Variants in NECTIN2 observed in about 807,000 individuals in gnomAD.
NECTIN2 encodes the protein nectin cell adhesion molecule 2.
NECTIN2 carries 23 observed loss-of-function variants against 56.9 expected under a neutral mutation model. The observed-to-expected ratio is 0.40, with a 90% CI of 0.29 to 0.57. The LOEUF (loss-of-function observed/expected upper bound fraction) is 0.57. NECTIN2 is among the 20% of genes least tolerant of loss of function. The pLI, the probability that NECTIN2 is intolerant of heterozygous loss-of-function variation, is 0.38. For missense variants in NECTIN2, 587 were observed against 718.3 expected (o/e 0.82, Z 2.09); for synonymous variants, 302 against 313.8 (o/e 0.96, Z 0.40).
chr19:44,874,256 G>GT lies in NECTIN2; in HGVS notation c.894-73dup. ...CCCTGGAGCTTGGCTCCTGGTGGGTGTATCTTTAGGGATGAGGCCTGTGCT... is the reference window on the plus strand; with the variant it reads ...CCCTGGAGCTTGGCTCCTGGTGGGTGTTATCTTTAGGGATGAGGCCTGTGCT... On this transcript the variant is annotated intron_variant, in intron 4 of 8. Coordinates refer to ENST00000252483, the MANE Select transcript of NECTIN2 (RefSeq NM_001042724.2). The surrounding 1 kb of genome is among the most constrained non-coding windows in gnomAD (Gnocchi z 6.3). The GT allele has an allele frequency of 6.5e-7, 1 of 1,538,158 alleles. No homozygotes were observed. Among genetic ancestry groups the GT allele is most frequent in the South Asian group, 1.1e-5 (1 of 88,808 alleles).
intron 2 of NECTIN2, among the ~76,000 whole-genome samples, chr19:44,870,940 C>T (rs1434905592): frequency 1.3e-5 from 2 of 152,042 alleles, no homozygotes; most frequent in Non-Finnish European, 2.9e-5. Flanking sequence ...ACGTTGGCCA[C>T]GCTAGTCTAG....
At chr19:44,878,077 A>C in intron 5 of NECTIN2, 1 of 483,392 alleles carries the variant, frequency 2.1e-6, no homozygotes, top group Non-Finnish European at 3.6e-6. Flanking sequence ...TCTTCTGCCC[A>C]GAGTCACCCC....
intron 1 of NECTIN2, among the ~76,000 whole-genome samples, chr19:44,863,848 A>AAC (rs1969062194): frequency 6.6e-6 from 1 of 151,648 alleles, no homozygotes; most frequent in Non-Finnish European, 1.5e-5. Context: ...TCTCAAAAAA[A>AAC]AAAAAGAAAC....
Position 44,882,234 on chromosome 19 carries a change from G to A in NECTIN2, c.1066G>A (p.Gly356Arg). 1 of 1,523,416 alleles carries A rather than the reference G, an allele frequency of 6.6e-7. No homozygotes were observed. The highest frequency in any genetic ancestry group is 1.2e-5 in the South Asian group (1 of 80,384). 94.4% of individuals were successfully genotyped at this position (1,523,416 alleles called of 1,614,324 possible). A position where few individuals can be genotyped will look rare whatever the true frequency, so the allele number is the denominator to read the frequency against. ...VRETPNTAGA[G>R]ATGGIIGGII... ...AGAGACCCCCAACACAGCAGGCGCA[G>A]GGGCCACAGGCGGCATCATCGGGGG... The change falls in exon 6 of 9, where the codon GGG becomes AGG. Residue 356 changes from glycine (G) to arginine (R), a missense_variant. Physicochemically the swap from Gly to Arg is moderately radical, Grantham distance 125 (BLOSUM62 -2). Transcript: ENST00000252483.
At chr19:44,862,042 G>A (rs1969036890) in intron 1 of NECTIN2, among the ~76,000 whole-genome samples, 1 of 152,148 alleles carries the variant, frequency 6.6e-6, no homozygotes, top group Admixed American at 6.6e-5. Flanking sequence ...ATACATGTAT[G>A]CGTATGTTCA....
At chr19:44,848,890 C>T (rs577975499) in intron 1 of NECTIN2, among the ~76,000 whole-genome samples, 2 of 152,062 alleles carry the variant, frequency 1.3e-5, no homozygotes, top group African/African-American at 4.8e-5. Context: ...GCGGGTGCAC[C>T]ACCTGGGCCC....
At chr19:44,878,438 C>T in intron 5 of NECTIN2, 1 of 1,590,266 alleles carries the variant, frequency 6.3e-7, no homozygotes, top group Non-Finnish European at 8.6e-7. Context: ...AAATGGGGAC[C>T]CCGTCTTCTG....
chr19:44,886,605 T>A (rs1969363974), intron 8 of NECTIN2, among the ~76,000 whole-genome samples: 1 of 152,012 alleles, frequency 6.6e-6, no homozygotes, highest in Admixed American at 6.6e-5. Context: ...GCCTGTAATC[T>A]TAGCTACCCG....
At chr19:44,879,863 TGGGGCTG>T (rs1969288662) in intron 5 of NECTIN2, among the ~76,000 whole-genome samples, 7 of 152,164 alleles carry the variant, frequency 4.6e-5, no homozygotes, top group Non-Finnish European at 7.3e-5. Context: ...CAGGCAGTGC[TGGGGCTG>T]CAGCTGTGGC....
intron 1 of NECTIN2, among the ~76,000 whole-genome samples, chr19:44,854,096 A>T (rs1420788148): frequency 6.6e-6 from 1 of 151,906 alleles, no homozygotes; most frequent in Non-Finnish European, 1.5e-5. Context: ...TGTGCCCCAC[A>T]AGAAGCTAAA....
At chr19:44,848,713 A>G (rs1196116610) in intron 1 of NECTIN2, among the ~76,000 whole-genome samples, 2 of 114,030 alleles carry the variant, frequency 1.8e-5, no homozygotes, top group African/African-American at 7.0e-5. Context: ...TCCTTCCCTC[A>G]CTTTCTTTCC....
In NECTIN2 at chr19:44,865,669, G is replaced by T; in HGVS notation, c.478+9G>T. ...CTGGCTCAGAGTCATAGGTGAGCAG[G>T]GTAAGGGCGGGAGGCAAGGAGGTGG... On this transcript the variant is annotated intron_variant, in intron 2 of 8. Coordinates refer to ENST00000252483, the MANE Select transcript of NECTIN2 (RefSeq NM_001042724.2). This position sits in a 1 kb window ranked among gnomAD's most constrained non-coding sequence, Gnocchi z 5.2. 6.6e-7 allele frequency: 1 copy of T among 1,507,854 alleles called. No homozygotes were observed. The highest frequency in any genetic ancestry group is 8.9e-7 in the Non-Finnish European group (1 of 1,127,860). 93.4% of individuals were successfully genotyped at this position (1,507,854 alleles called of 1,614,324 possible).
At chr19:44,881,968 C>T (rs773189125) in intron 5 of NECTIN2, 15 of 358,586 alleles carry the variant, frequency 4.2e-5, no homozygotes, top group Middle Eastern at 6.9e-4. Flanking sequence ...CCCTGCCCAA[C>T]CAGAATCAAA....
Position 44,888,531 on chromosome 19 carries a change from C to A in NECTIN2, c.*152C>A. Reference sequence around the variant, plus strand: ...TCTACCTTGGTGGCTCCACTATGACCCCTAACCCATGAGCCCAGAGAAATT... The same window carrying A: ...TCTACCTTGGTGGCTCCACTATGACACCTAACCCATGAGCCCAGAGAAATT... On this transcript the variant is annotated 3_prime_UTR_variant, in exon 9 of 9. Transcript: ENST00000252483. The A allele has an allele frequency of 2.5e-6, 2 of 810,274 alleles. No homozygotes were observed. Among genetic ancestry groups the A allele is most frequent in the South Asian group, 1.9e-5 (1 of 52,874 alleles). The allele number at this position is 810,274 out of a possible 1,614,324, so 50.2% of individuals were successfully genotyped here. A position where few individuals can be genotyped will look rare whatever the true frequency, so the allele number is the denominator to read the frequency against.
chr19:44,866,999 T>G (rs764355952), intron 2 of NECTIN2, among the ~76,000 whole-genome samples: 1 of 151,792 alleles, frequency 6.6e-6, no homozygotes, highest in Non-Finnish European at 1.5e-5. Context: ...ATAGTAAGAC[T>G]CTTGTCTCAA....
At chr19:44,882,113 T>C (rs1318393036) in intron 5 of NECTIN2, 98 bp from the exon 6 acceptor site, 4 of 1,134,138 alleles carry the variant, frequency 3.5e-6, no homozygotes, top group Non-Finnish European at 4.6e-6. Flanking sequence ...GGAGAGGACA[T>C]AGACAGGCAG....
intron 2 of NECTIN2, among the ~76,000 whole-genome samples, chr19:44,870,589 A>AT (rs1969162218): frequency 6.6e-6 from 1 of 151,794 alleles, no homozygotes; most frequent in Non-Finnish European, 1.5e-5. Flanking sequence ...CGGCTTTGAG[A>AT]TTTTCTGCCT....
At position 44,889,030 on chromosome 19, in the gene NECTIN2, G is replaced by A. The variant is rs928832170; in HGVS notation, c.*651G>A. ...AGACAGGGTGAGCCTCATACAGACTGTGCCTTGATGGCCCCAGCCTTGGGA... is the reference window on the plus strand; with the variant it reads ...AGACAGGGTGAGCCTCATACAGACTATGCCTTGATGGCCCCAGCCTTGGGA... On this transcript the variant is annotated 3_prime_UTR_variant, in exon 9 of 9. Transcript: ENST00000252483. 6.6e-6 allele frequency: 1 copy of A among 151,380 alleles called. No homozygotes were observed. The highest frequency in any genetic ancestry group is 1.5e-5 in the Non-Finnish European group (1 of 68,066). The allele number at this position is 151,380 out of a possible 1,614,324, so 9.4% of individuals were successfully genotyped here. A position where few individuals can be genotyped will look rare whatever the true frequency, so the allele number is the denominator to read the frequency against.
Position 44,886,192 on chromosome 19 carries a change from T to C in NECTIN2, c.1320T>C (p.Phe440=), listed in dbSNP as rs182813625. Reference sequence around the variant, plus strand: ...ACAGCCCACTCAAGACCCCCTACTTTGATGCTGGCGCCTCATGCACTGAGC... The same window carrying C: ...ACAGCCCACTCAAGACCCCCTACTTCGATGCTGGCGCCTCATGCACTGAGC... ...SEHSPLKTPY[F]DAGASCTEQE... The change falls in exon 8 of 9, where the codon TTT becomes TTC. Residue 440 remains phenylalanine, a synonymous_variant. Transcript: ENST00000252483. The C allele has an allele frequency of 2.2e-3, 3,550 of 1,612,406 alleles. 5 individuals carry two copies. The highest frequency in any genetic ancestry group is 2.8e-3 in the Non-Finnish European group (3,262 of 1,179,756).
Sources: allele counts gnomAD v4.1 joint callset (sites outside exome capture counted in the v4.1 genomes callset), GRCh38; gene constraint gnomAD v4.1.1; non-coding constraint Gnocchi (gnomAD v3.1); transcripts MANE v1.5; gene names NCBI Gene and HGNC (gene_info 2026-07-23, HGNC 2026-07-21).